Variants in KIF16B observed in about 807,000 individuals in gnomAD.
KIF16B encodes kinesin-like protein KIF16B.
KIF16B carries 98 observed loss-of-function variants against 156.3 expected under a neutral mutation model. That is an observed-to-expected ratio of 0.63 (90% CI 0.53 to 0.74). The LOEUF (loss-of-function observed/expected upper bound fraction) is 0.74. Ranked by LOEUF, KIF16B falls within the 30% of genes least tolerant of loss-of-function variation. The probability of loss-of-function intolerance (pLI) is 0.00; values close to 1 mark genes in which losing one functional copy is unlikely to be tolerated. For missense variants in KIF16B, 1,421 were observed against 1,606.5 expected (o/e 0.88, Z 1.97); for synonymous variants, 564 against 583.7 (o/e 0.97, Z 0.49).
At chr20:16,308,446 C>T (rs1347862601) in intron 25 of KIF16B, among the ~76,000 whole-genome samples, 1 of 152,120 alleles carries the variant, frequency 6.6e-6, no homozygotes, top group Non-Finnish European at 1.5e-5. Context: ...ACAGCAATGG[C>T]CTTTCTTTAC....
intron 20 of KIF16B, among the ~76,000 whole-genome samples, chr20:16,373,389 T>C: frequency 6.6e-6 from 1 of 152,240 alleles, no homozygotes. Flanking sequence ...CGATTTCAAA[T>C]GCTCCCATGT....
chr20:16,519,514 C>T (rs1196694091), intron 3 of KIF16B, among the ~76,000 whole-genome samples: 1 of 152,194 alleles, frequency 6.6e-6, no homozygotes, highest in Non-Finnish European at 1.5e-5. Flanking sequence ...ACTTCCTCCA[C>T]AAACCATTTA....
intron 1 of KIF16B, among the ~76,000 whole-genome samples, chr20:16,558,962 C>T (rs1413274827): frequency 6.6e-6 from 1 of 151,110 alleles, no homozygotes; most frequent in Non-Finnish European, 1.5e-5. Flanking sequence ...AGCAAGTGCC[C>T]TCCACAGCCT....
At chr20:16,429,155 G>A in intron 13 of KIF16B, 151 bp from the exon 14 acceptor site, 1 of 683,706 alleles carries the variant, frequency 1.5e-6, no homozygotes, top group Admixed American at 2.5e-5. Flanking sequence ...AGCTCCCCAA[G>A]GCTCTGTAAA....
chr20:16,479,518 A>T (rs1426191377), intron 12 of KIF16B, among the ~76,000 whole-genome samples: 2 of 104,550 alleles, frequency 1.9e-5, no homozygotes, highest in South Asian at 2.6e-4. Context: ...TCAGAACTTT[A>T]AAAAAAAATT....
At chr20:16,283,584 A>G (rs2063179038) in intron 25 of KIF16B, among the ~76,000 whole-genome samples, 1 of 152,206 alleles carries the variant, frequency 6.6e-6, no homozygotes, top group African/African-American at 2.4e-5. Context: ...AATTCAGGCC[A>G]TGCTCACAGA....
chr20:16,519,893 C>T (rs1294019231), intron 3 of KIF16B, among the ~76,000 whole-genome samples: 1 of 152,140 alleles, frequency 6.6e-6, no homozygotes, highest in South Asian at 2.1e-4. Context: ...GGTTGAGCAC[C>T]GCCTCACCCC....
At chr20:16,384,012 A>G (rs2065166967) in intron 17 of KIF16B, among the ~76,000 whole-genome samples, 1 of 152,226 alleles carries the variant, frequency 6.6e-6, no homozygotes, top group South Asian at 2.1e-4. Flanking sequence ...CTTTTGACAA[A>G]GCAGGAAACT....
intron 1 of KIF16B, among the ~76,000 whole-genome samples, chr20:16,541,761 A>C (rs1298309068): frequency 6.6e-6 from 1 of 152,246 alleles, no homozygotes; most frequent in African/African-American, 2.4e-5. Context: ...GCCCAGGCAG[A>C]GGGAGAAGTG....
intron 24 of KIF16B, among the ~76,000 whole-genome samples, chr20:16,335,195 A>G (rs1177952465): frequency 1.3e-5 from 2 of 152,220 alleles, no homozygotes; most frequent in African/African-American, 4.8e-5. Context: ...ATTGATCTGC[A>G]GTCAGTTCAA....
intron 17 of KIF16B, among the ~76,000 whole-genome samples, chr20:16,399,612 G>A (rs764426988): frequency 6.6e-6 from 1 of 152,126 alleles, no homozygotes; most frequent in African/African-American, 2.4e-5. Context: ...ACACAAACCC[G>A]AGCTTTTCCC....
At chr20:16,375,346 T>G (rs2064921765) in intron 19 of KIF16B, among the ~76,000 whole-genome samples, 1 of 152,238 alleles carries the variant, frequency 6.6e-6, no homozygotes, top group Admixed American at 6.5e-5. Context: ...TCAGAGATTC[T>G]GGCTTCAGAT....
At chr20:16,555,182 A>G (rs763814233) in intron 1 of KIF16B, among the ~76,000 whole-genome samples, 3 of 151,762 alleles carry the variant, frequency 2.0e-5, no homozygotes, top group Non-Finnish European at 3.0e-5. Flanking sequence ...GGTACAAGAC[A>G]AAATTGTAAT....
chr20:16,554,778 C>G (rs2070787241), intron 1 of KIF16B, among the ~76,000 whole-genome samples: 1 of 152,230 alleles, frequency 6.6e-6, no homozygotes. Context: ...TTTCTGGTGT[C>G]TCCGAACTTC....
chr20:16,484,359 T>C (rs2068059951), intron 12 of KIF16B, among the ~76,000 whole-genome samples: 1 of 152,208 alleles, frequency 6.6e-6, no homozygotes, highest in African/African-American at 2.4e-5. Context: ...CCAAGTGCAA[T>C]AGCACTGACA....
chr20:16,430,043 G>A, intron 12 of KIF16B, 61 bp from the exon 13 acceptor site: 1 of 1,496,108 alleles, frequency 6.7e-7, no homozygotes, highest in South Asian at 1.3e-5. Context: ...CTTCAAATTA[G>A]GTGTTCTTCA....
At chr20:16,490,448 T>C (rs572920062) in intron 12 of KIF16B, among the ~76,000 whole-genome samples, 5 of 152,050 alleles carry the variant, frequency 3.3e-5, no homozygotes, top group African/African-American at 1.2e-4. Context: ...GGCTGAGGTA[T>C]GAGAATCGCT....
intron 3 of KIF16B, among the ~76,000 whole-genome samples, chr20:16,522,599 TAGAC>T (rs1336060076): frequency 9.2e-5 from 14 of 152,244 alleles, no homozygotes; most frequent in African/African-American, 2.9e-4. Context: ...CTGTCAATAT[TAGAC>T]AGATCAACGT....
intron 1 of KIF16B, among the ~76,000 whole-genome samples, chr20:16,547,351 A>T (rs970307490): frequency 6.6e-6 from 1 of 152,194 alleles, no homozygotes; most frequent in East Asian, 1.9e-4. Flanking sequence ...GATGGCCCAC[A>T]ATCACCCCAC....
Sources: gnomAD v4.1 joint callset for allele counts (sites outside exome capture counted in the v4.1 genomes callset) on GRCh38, gnomAD v4.1.1 for gene constraint, MANE v1.5 for transcripts, NCBI Gene and HGNC (gene_info 2026-07-23, HGNC 2026-07-21) for gene names.